Variants in SYT1 observed in about 807,000 individuals in gnomAD.
SYT1 encodes synaptotagmin 1.
In SYT1, 8 loss-of-function variants were observed where a neutral mutation model predicts 44.8. The observed-to-expected ratio is 0.18, with a 90% CI of 0.10 to 0.32. SYT1 has a LOEUF of 0.32. Among genes scored for constraint, SYT1 ranks in the 10% least tolerant of loss-of-function variants. The pLI is 1.00. For synonymous variants in SYT1, 154 were observed against 188.8 expected (o/e 0.82, Z 1.51); for missense variants, 286 against 509.3 (o/e 0.56, Z 4.22).
intron 3 of SYT1, among the ~76,000 whole-genome samples, chr12:79,140,101 C>T (rs1463004471): frequency 2.0e-5 from 3 of 152,218 alleles, no homozygotes; most frequent in Non-Finnish European, 2.9e-5. Context: ...GCCAGAAACT[C>T]GCTTCATCTG....
chr12:79,360,207 T>G (rs569783310), intron 9 of SYT1, among the ~76,000 whole-genome samples: 65 of 151,846 alleles, frequency 4.3e-4, no homozygotes, highest in East Asian at 7.7e-4. Context: ...TTTTTTTTTT[T>G]GGGTCAGTAA....
chr12:79,150,473 C>T (rs1043431503), intron 3 of SYT1, among the ~76,000 whole-genome samples: 1 of 151,974 alleles, frequency 6.6e-6, no homozygotes, highest in African/African-American at 2.4e-5. Context: ...GGACTTTGGT[C>T]AAAGGATACA....
In SYT1 at chr12:79,162,449, A is replaced by T. The variant is rs151160668; in HGVS notation, c.-17-55054A>T. On this transcript the variant is annotated intron_variant, in intron 3 of 10. Transcript: ENST00000261205. ...ACGGTTTATGTTGCTTGATTTACAAAACTTTATACTCTCCTTTGAACAGAG... is the reference window on the plus strand; with the variant it reads ...ACGGTTTATGTTGCTTGATTTACAATACTTTATACTCTCCTTTGAACAGAG... 3.7e-3 allele frequency among the ~76,000 whole-genome samples: 569 copies of T among 152,236 alleles called. 4 individuals carry two copies. The highest frequency in any genetic ancestry group is 0.013 in the African/African-American group (554 of 41,566).
chr12:78,924,794 C>G (rs1408809689), intron 1 of SYT1, among the ~76,000 whole-genome samples: 1 of 151,292 alleles, frequency 6.6e-6, no homozygotes, highest in African/African-American at 2.4e-5. Context: ...ATTTCTGGCA[C>G]AAGATGAGGT....
Position 79,299,545 on chromosome 12 carries a change from G to A in SYT1, c.804G>A (p.Lys268=). 6.2e-7 allele frequency: 1 copy of A among 1,612,016 alleles called. No homozygotes were observed. Among genetic ancestry groups the A allele is most frequent in the Non-Finnish European group, 8.5e-7 (1 of 1,179,050 alleles). The change falls in exon 8 of 11, where the codon AAG becomes AAA. Residue 268 remains lysine (K), a synonymous_variant. Transcript: ENST00000261205. ...GGCGTGACCTGCAAAGTGCTGAGAA[G>A]GAAGAGGTAAGGGAATTACTAGCAT... The part of the protein sequence containing the change: ...EEWRDLQSAE[K]EEQEKLGDIC...
chr12:79,056,799 G>A (rs1186894737), intron 3 of SYT1, among the ~76,000 whole-genome samples: 1 of 151,980 alleles, frequency 6.6e-6, no homozygotes, highest in Non-Finnish European at 1.5e-5. Flanking sequence ...AATCTCAGTT[G>A]ACAAAGTTGC....
intron 1 of SYT1, among the ~76,000 whole-genome samples, chr12:78,871,490 G>T (rs1050582530): frequency 1.3e-5 from 2 of 151,818 alleles, no homozygotes; most frequent in African/African-American, 4.8e-5. Context: ...CATGGTCCTT[G>T]CTTAGCTCCT....
At chr12:79,296,825 G>A (rs1441189488) in intron 7 of SYT1, among the ~76,000 whole-genome samples, 1 of 152,136 alleles carries the variant, frequency 6.6e-6, no homozygotes, top group Non-Finnish European at 1.5e-5. Context: ...AAACAACAGA[G>A]AGATTCCAGC....
intron 2 of SYT1, among the ~76,000 whole-genome samples, chr12:79,003,222 T>G (rs1013323914): frequency 6.6e-6 from 1 of 151,998 alleles, no homozygotes; most frequent in Admixed American, 6.6e-5. Context: ...GTGATTGGTA[T>G]CTAGAAATTT....
chr12:79,015,840 T>C (rs900482930), intron 2 of SYT1, among the ~76,000 whole-genome samples: 1 of 152,168 alleles, frequency 6.6e-6, no homozygotes, highest in African/African-American at 2.4e-5. Flanking sequence ...TTTGCCAAGC[T>C]AGGTAGGCCA....
rs370573414 is a variant in SYT1 at position 79,296,188 on chromosome 12, C to G, written c.594C>G (p.Val198=). 16 of 1,613,858 alleles carry G rather than the reference C, an allele frequency of 9.9e-6. No homozygotes were observed. In the East Asian group the frequency reaches 1.1e-4, roughly 11 times the overall value. The change falls in exon 7 of 11, where the codon GTC becomes GTG. Residue 198 remains valine, a synonymous_variant. Transcript: ENST00000261205. ...AGAAGAAGAAATTTGAGACAAAAGT[C>G]CACCGAAAAACCCTTAATCCTGTCT... The part of the protein sequence containing the change: ...PDKKKKFETK[V]HRKTLNPVFN...
At position 78,979,228 on chromosome 12, in the gene SYT1, T is replaced by C. The variant is rs116231325; in HGVS notation, c.-84+1297T>C. 1.1e-3 allele frequency among the ~76,000 whole-genome samples: 163 copies of C among 152,302 alleles called. 1 individual carries two copies. Among genetic ancestry groups the C allele is most frequent in the African/African-American group, 3.8e-3 (156 of 41,578 alleles). On this transcript the variant is annotated intron_variant, in intron 2 of 10. Transcript: ENST00000261205. ...TAATCATTTTACAATGAAGGGCAGG[T>C]GCCTAATGTCCTTGCAGTATGATTC... is the stretch of plus-strand genomic sequence containing the variant.
intron 4 of SYT1, among the ~76,000 whole-genome samples, chr12:79,264,037 A>G (rs183333403): frequency 6.6e-6 from 1 of 152,288 alleles, no homozygotes; most frequent in African/African-American, 2.4e-5. Flanking sequence ...TAATAAAAAG[A>G]GCTTGACAGT....
At chr12:79,318,255 G>T (rs1013359045) in intron 8 of SYT1, among the ~76,000 whole-genome samples, 4 of 152,072 alleles carry the variant, frequency 2.6e-5, no homozygotes, top group African/African-American at 4.8e-5. Context: ...CGGAGGGCCT[G>T]TTTAATAGTC....
chr12:79,315,880 A>T (rs943547283), intron 8 of SYT1, among the ~76,000 whole-genome samples: 4 of 152,172 alleles, frequency 2.6e-5, no homozygotes, highest in Admixed American at 2.0e-4. Flanking sequence ...CAAGAAGTTT[A>T]TGCCTAATTC....
At chr12:79,403,735 A>C (rs1885149146) in intron 9 of SYT1, among the ~76,000 whole-genome samples, 1 of 152,202 alleles carries the variant, frequency 6.6e-6, no homozygotes. Context: ...TTCTCAAAGT[A>C]TAGGCCCAGG....
chr12:78,968,930 TAAAC>T (rs1229210541), intron 1 of SYT1, among the ~76,000 whole-genome samples: 2 of 152,010 alleles, frequency 1.3e-5, no homozygotes, highest in East Asian at 1.9e-4. Flanking sequence ...AGAGAGAAAA[TAAAC>T]AAATGAACAA....
intron 3 of SYT1, among the ~76,000 whole-genome samples, chr12:79,076,839 C>T (rs111840869): frequency 3.3e-5 from 5 of 152,250 alleles, no homozygotes; most frequent in African/African-American, 9.6e-5. Context: ...CATGGTGGCA[C>T]GCATCTATAG....
intron 3 of SYT1, among the ~76,000 whole-genome samples, chr12:79,092,384 A>T (rs1247449990): frequency 6.6e-6 from 1 of 151,854 alleles, no homozygotes; most frequent in African/African-American, 2.4e-5. Context: ...TTGTTATTGA[A>T]ATAAGAATAC....
Sources: allele counts gnomAD v4.1 joint callset (sites outside exome capture counted in the v4.1 genomes callset), GRCh38; gene constraint gnomAD v4.1.1; transcripts MANE v1.5; gene names NCBI Gene and HGNC (gene_info 2026-07-23, HGNC 2026-07-21).